The following SLIT1 variants were observed in gnomAD, a reference collection of about 807,000 sequenced individuals.
SLIT1 encodes slit homolog 1 protein.
A neutral mutation model predicts 186.1 loss-of-function variants in SLIT1; 66 were observed. The observed-to-expected ratio is 0.35, with a 90% CI of 0.29 to 0.44. The LOEUF (loss-of-function observed/expected upper bound fraction) is 0.44. Among genes scored for constraint, SLIT1 ranks in the 20% least tolerant of loss-of-function variants. The pLI is 1.00. For missense variants in SLIT1, 1,638 were observed against 2,037.4 expected (o/e 0.80, Z 3.77); for synonymous variants, 761 against 833.8 (o/e 0.91, Z 1.50).
intron 1 of SLIT1, among the ~76,000 whole-genome samples, chr10:97,182,047 G>T (rs1564697153): frequency 6.6e-6 from 1 of 152,148 alleles, no homozygotes; most frequent in Non-Finnish European, 1.5e-5. Context: ...AAGCTTCCCG[G>T]GCCGCCTCCG....
At position 97,060,796 on chromosome 10, in the gene SLIT1, A is replaced by G. The variant is rs1024364406; in HGVS notation, c.794-9T>C. 1 of 1,583,898 alleles carries G rather than the reference A, an allele frequency of 6.3e-7. No individual in the cohort carries two copies. Among genetic ancestry groups the G allele is most frequent in the Middle Eastern group, 1.7e-4 (1 of 5,960 alleles). On this transcript the variant is annotated splice_polypyrimidine_tract_variant and intron_variant, in intron 8 of 36. Transcript: ENST00000266058. ...CCCCGCTTCTCCCTGGCCTGCAGAAACAGGGGGGTGTGGCCTCAGGCTGTC... is the reference window on the plus strand; with the variant it reads ...CCCCGCTTCTCCCTGGCCTGCAGAAGCAGGGGGGTGTGGCCTCAGGCTGTC...
intron 29 of SLIT1, 58 bp from the exon 30 acceptor site, chr10:97,013,892 CAGCCA>C: frequency 6.5e-7 from 1 of 1,537,448 alleles, no homozygotes; most frequent in East Asian, 2.4e-5. Flanking sequence ...CTCTGCCGGG[CAGCCA>C]GACCCACAGA....
chr10:97,002,033 T>G, intron 36 of SLIT1, 125 bp downstream of exon 36: 1 of 553,046 alleles, frequency 1.8e-6, no homozygotes, highest in Non-Finnish European at 3.0e-6. Context: ...GAAAGCCCCA[T>G]AGTAGCCCAT....
chr10:97,184,163 G>A lies in SLIT1; in HGVS notation c.197+1315C>T, dbSNP rs1850380156. On this transcript the variant is annotated intron_variant, in intron 1 of 36. Transcript: ENST00000266058. The surrounding 1 kb of genome is among the most constrained non-coding windows in gnomAD (Gnocchi z 4.4). The stretch of plus-strand genomic sequence containing the variant: ...TGGGGCAAATGTGTGCTCACTAATT[G>A]CTGGCCTTGGTACAGAGTCTGATTC... Among the ~76,000 whole-genome samples the A allele has an allele frequency of 6.6e-6, 1 of 151,960 alleles. No homozygotes were observed. Among genetic ancestry groups the A allele is most frequent in the African/African-American group, 2.4e-5 (1 of 41,352 alleles).
intron 4 of SLIT1, among the ~76,000 whole-genome samples, chr10:97,099,788 A>C (rs1849332146): frequency 1.3e-5 from 2 of 152,210 alleles, no homozygotes; most frequent in South Asian, 4.1e-4. Context: ...GACCCCGGGC[A>C]GTGCCCCCGC....
At chr10:97,128,079 C>T (rs1250584914) in intron 4 of SLIT1, among the ~76,000 whole-genome samples, 2 of 152,076 alleles carry the variant, frequency 1.3e-5, no homozygotes, top group Admixed American at 6.5e-5. Context: ...CCCCTGCTCT[C>T]GGGCCTTGCA....
In SLIT1 at chr10:97,005,456, G is replaced by C. The variant is rs566311727; in HGVS notation, c.3580-633C>G. Among the ~76,000 whole-genome samples the C allele has an allele frequency of 3.5e-4, 53 of 152,316 alleles. 3 individuals are homozygous for C. In the South Asian group the frequency reaches 8.9e-3, roughly 26 times the overall value. On this transcript the variant is annotated intron_variant, in intron 32 of 36. Coordinates refer to ENST00000266058, the MANE Select transcript of SLIT1 (RefSeq NM_003061.3). The stretch of plus-strand genomic sequence containing the variant: ...CCTGAGCCCCCTGGTCTGTGGAGCT[G>C]GGCATATGACCCAAGCTGTCCAGTC...
At chr10:97,141,736 TGTATC>T (rs1268951481) in intron 4 of SLIT1, among the ~76,000 whole-genome samples, 213 of 127,476 alleles carry the variant, frequency 1.7e-3, no homozygotes, top group East Asian at 0.016. Context: ...TGTACTGTAT[TGTATC>T]GTATCGTATC....
At chr10:97,142,559 G>C (rs1441021291) in intron 4 of SLIT1, among the ~76,000 whole-genome samples, 1 of 152,150 alleles carries the variant, frequency 6.6e-6, no homozygotes, top group Non-Finnish European at 1.5e-5. Flanking sequence ...CATTGGACTT[G>C]GCAGTACTTT....
chr10:97,019,533 G>T (rs12414434), intron 26 of SLIT1, among the ~76,000 whole-genome samples: 10,845 of 152,212 alleles, frequency 0.071, 547 homozygotes, highest in East Asian at 0.23. Context: ...AGGACAGAAG[G>T]TGGTCACCTC....
Position 97,060,142 on chromosome 10 carries a change from C to G in SLIT1, c.958G>C (p.Gly320Arg). The G allele has an allele frequency of 6.2e-7, 1 of 1,614,080 alleles. No homozygotes were observed. Among genetic ancestry groups the G allele is most frequent in the Non-Finnish European group, 8.5e-7 (1 of 1,179,964 alleles). The change falls in exon 10 of 37, where the codon GGC becomes CGC. Residue 320 changes from glycine (G) to arginine (R), a missense_variant. By Grantham distance (125) the Gly-to-Arg change is moderately radical. Transcript: ENST00000266058. ...TMTEIRLELN[G>R]IKSIPPGAFS... ...GCTCCAGGAGGGATGGACTTGATGC[C>G]GTTCAGCTCCAGGCGTCTGCGGGGA... is the stretch of plus-strand genomic sequence containing the variant.
intron 2 of SLIT1, 42 bp from the exon 3 acceptor site, chr10:97,163,493 C>A (rs1850060240): frequency 6.3e-7 from 1 of 1,576,848 alleles, no homozygotes; most frequent in Non-Finnish European, 8.7e-7. Flanking sequence ...GGGTGTGGGA[C>A]AAGGGCTGCT....
chr10:97,011,264 A>G lies in SLIT1; in HGVS notation c.3204-134T>C, dbSNP rs536247613. On this transcript the variant is annotated intron_variant, in intron 30 of 36. Coordinates refer to ENST00000266058, the MANE Select transcript of SLIT1 (RefSeq NM_003061.3). ...CTCAAGTTCCATTGAGGCTGTGGGG[A>G]TCTCCAGGAGGTCACACAGAGCTCT... is the stretch of plus-strand genomic sequence containing the variant. The G allele has an allele frequency of 1.2e-4, 80 of 665,492 alleles. 1 individual carries two copies. The African/African-American group carries it at 1.4e-3, about 12-fold the overall frequency. The allele number at this position is 665,492 out of a possible 1,614,324, so 41.2% of individuals were successfully genotyped here.
intron 4 of SLIT1, among the ~76,000 whole-genome samples, chr10:97,113,814 C>T (rs934352526): frequency 6.6e-6 from 1 of 152,162 alleles, no homozygotes; most frequent in African/African-American, 2.4e-5. Context: ...CCTCGGCCTC[C>T]CAAAGTGCTG....
intron 5 of SLIT1, 54 bp downstream of exon 5, chr10:97,065,961 C>G: frequency 7.5e-7 from 1 of 1,329,116 alleles, no homozygotes; most frequent in Non-Finnish European, 1.1e-6. Context: ...GAGGATGCTG[C>G]CAGGAGTGGC....
At chr10:97,070,246 G>A (rs1238076392) in intron 4 of SLIT1, among the ~76,000 whole-genome samples, 1 of 152,234 alleles carries the variant, frequency 6.6e-6, no homozygotes. Context: ...AAGCCGCAGT[G>A]TTTTGAAGTC....
At chr10:97,013,902 C>T (rs1159198121) in intron 29 of SLIT1, 68 bp from the exon 30 acceptor site, 6 of 1,543,406 alleles carry the variant, frequency 3.9e-6, no homozygotes, top group Admixed American at 1.9e-5. Context: ...CAGCCAGACC[C>T]ACAGAAATCC....
intron 29 of SLIT1, 75 bp downstream of exon 29, chr10:97,013,944 C>T: frequency 1.3e-6 from 2 of 1,584,054 alleles, no homozygotes; most frequent in Non-Finnish European, 8.6e-7. Flanking sequence ...GATCCCCTTC[C>T]ACTCCCGAGC....
At chr10:97,128,515 C>T (rs1849624184) in intron 4 of SLIT1, among the ~76,000 whole-genome samples, 1 of 152,218 alleles carries the variant, frequency 6.6e-6, no homozygotes, top group Non-Finnish European at 1.5e-5. Context: ...AATGGGTCTT[C>T]CCCACCTCCC....
Sources: gnomAD v4.1 joint callset for allele counts (sites outside exome capture counted in the v4.1 genomes callset) on GRCh38, gnomAD v4.1.1 for gene constraint, Gnocchi (gnomAD v3.1) non-coding constraint, MANE v1.5 for transcripts, NCBI Gene and HGNC (gene_info 2026-07-23, HGNC 2026-07-21) for gene names.